Variants in DIS3L2 observed in about 807,000 individuals in gnomAD.
The protein encoded by DIS3L2 is DIS3 like 3'-5' exoribonuclease 2.
DIS3L2 carries 34 observed loss-of-function variants against 97.5 expected under a neutral mutation model. That is an observed-to-expected ratio of 0.35 (90% CI 0.27 to 0.46). The LOEUF is 0.46. DIS3L2 is among the 20% of genes least tolerant of loss of function. The pLI, the probability that DIS3L2 is intolerant of heterozygous loss-of-function variation, is 1.00. For synonymous variants in DIS3L2, 435 were observed against 445.2 expected, an observed-to-expected ratio of 0.98 and a Z score of 0.29; for missense variants, 1,038 against 1,146.0, an observed-to-expected ratio of 0.91 and a Z score of 1.36.
intron 1 of DIS3L2, among the ~76,000 whole-genome samples, chr2:231,967,186 C>T (rs1692746750): frequency 6.6e-6 from 1 of 152,130 alleles, no homozygotes; most frequent in Non-Finnish European, 1.5e-5. Flanking sequence ...ACCCTGCCCT[C>T]AGTAAAGTAT....
chr2:232,298,543 G>C (rs1446392865), intron 13 of DIS3L2, among the ~76,000 whole-genome samples: 2 of 152,198 alleles, frequency 1.3e-5, no homozygotes, highest in Non-Finnish European at 2.9e-5. Context: ...TGGTCGAGAA[G>C]GGCTTGTTTC....
intron 5 of DIS3L2, among the ~76,000 whole-genome samples, chr2:232,058,154 C>G (rs1695598793): frequency 6.6e-6 from 1 of 152,184 alleles, no homozygotes; most frequent in South Asian, 2.1e-4. Context: ...ATTGACATGT[C>G]ACTTATATTT....
At chr2:232,329,785 T>TCCCCGGGGGGGGGCCCCCC in intron 14 of DIS3L2, 28 bp from the exon 15 acceptor site, 30 of 967,098 alleles carry the variant, frequency 3.1e-5, no homozygotes, top group Non-Finnish European at 3.2e-5. Context: ...ACCCCAGCGG[T>TCCCCGGGGGGGGGCCCCCC]CCCTCCCATC....
At chr2:232,236,998 C>A (rs889399904) in intron 10 of DIS3L2, among the ~76,000 whole-genome samples, 2 of 152,198 alleles carry the variant, frequency 1.3e-5, no homozygotes, top group Non-Finnish European at 2.9e-5. Context: ...GATCCGCCAG[C>A]CTTGACCTCC....
intron 1 of DIS3L2, among the ~76,000 whole-genome samples, chr2:231,971,927 C>T (rs1553595163): frequency 6.6e-6 from 1 of 150,538 alleles, no homozygotes; most frequent in Non-Finnish European, 1.5e-5. Flanking sequence ...TGGCTCACGC[C>T]TGTAATCCCA....
intron 6 of DIS3L2, among the ~76,000 whole-genome samples, chr2:232,121,679 A>G (rs1462189336): frequency 6.6e-6 from 1 of 152,152 alleles, no homozygotes. Context: ...GAAGCTACAG[A>G]GTACTGGCCC....
chr2:232,314,233 G>T (rs1419230331), intron 14 of DIS3L2, among the ~76,000 whole-genome samples: 1 of 152,240 alleles, frequency 6.6e-6, no homozygotes, highest in Non-Finnish European at 1.5e-5. Flanking sequence ...CTGTTGTCTG[G>T]TGCTGGGAGG....
chr2:232,213,736 C>T (rs1692259553), intron 10 of DIS3L2, among the ~76,000 whole-genome samples: 1 of 138,932 alleles, frequency 7.2e-6, no homozygotes, highest in Admixed American at 7.7e-5. Context: ...TCTGAATGAC[C>T]ATTCTGTGAA....
At chr2:232,247,004 C>CT (rs1693270689) in intron 11 of DIS3L2, among the ~76,000 whole-genome samples, 1 of 26,006 alleles carries the variant, frequency 3.8e-5, no homozygotes, top group South Asian at 1.2e-3. Context: ...GTTATAATGA[C>CT]TTTCTTTTGA....
chr2:232,006,726 A>C (rs555939125), intron 1 of DIS3L2, among the ~76,000 whole-genome samples: 1 of 152,342 alleles, frequency 6.6e-6, no homozygotes, highest in East Asian at 1.9e-4. Context: ...GGTAAGTGAA[A>C]AAAAGAGGAG....
intron 9 of DIS3L2, among the ~76,000 whole-genome samples, chr2:232,190,507 G>T (rs992886718): frequency 6.6e-6 from 1 of 151,976 alleles, no homozygotes; most frequent in Admixed American, 6.6e-5. Flanking sequence ...TTTTTGGATT[G>T]GGAAAGATGA....
intron 5 of DIS3L2, among the ~76,000 whole-genome samples, chr2:232,080,626 C>A (rs896454357): frequency 1.3e-5 from 2 of 151,864 alleles, no homozygotes; most frequent in African/African-American, 4.8e-5. Flanking sequence ...CAGGGCTGGG[C>A]ATGGTGGCTC....
intron 20 of DIS3L2, chr2:232,336,264 G>C (rs1332482567): frequency 6.5e-7 from 1 of 1,544,900 alleles, no homozygotes; most frequent in Non-Finnish European, 8.7e-7. Context: ...ATAAGCCTTG[G>C]GAGCGCTCAG....
intron 11 of DIS3L2, among the ~76,000 whole-genome samples, chr2:232,241,760 C>G (rs552276454): frequency 9.5e-4 from 144 of 152,292 alleles, no homozygotes; most frequent in Admixed American, 2.1e-3. Context: ...TCTCAACTGT[C>G]TTCTCTGGGA....
chr2:232,059,620 A>G (rs1056655638), intron 5 of DIS3L2, among the ~76,000 whole-genome samples: 1 of 151,564 alleles, frequency 6.6e-6, no homozygotes, highest in African/African-American at 2.4e-5. Flanking sequence ...TAGTTTTTCA[A>G]CTCTTGCCCC....
chr2:232,338,748 C>T (rs1209062315), downstream of DIS3L2, among the ~76,000 whole-genome samples: 1 of 152,264 alleles, frequency 6.6e-6, no homozygotes, highest in Non-Finnish European at 1.5e-5. Context: ...CGGTGCCGCG[C>T]ATTCACAGGA....
At chr2:232,330,593 C>T in intron 15 of DIS3L2, 97 bp from the exon 16 acceptor site, 3 of 1,323,978 alleles carry the variant, frequency 2.3e-6, no homozygotes, top group Non-Finnish European at 3.3e-6. Context: ...ACTCCTCCCC[C>T]CAGAGCCGGG....
intron 5 of DIS3L2, among the ~76,000 whole-genome samples, chr2:232,078,225 A>G (rs1360808682): frequency 1.3e-5 from 2 of 151,500 alleles, no homozygotes; most frequent in Middle Eastern, 3.2e-3. Flanking sequence ...TGTATTTTTA[A>G]TAGAGATGGG....
chr2:232,095,811 T>C (rs938063329), intron 6 of DIS3L2, among the ~76,000 whole-genome samples: 3 of 152,182 alleles, frequency 2.0e-5, no homozygotes, highest in Non-Finnish European at 2.9e-5. Context: ...CCTTGATGTT[T>C]GAAGGATACT....
Sources: allele counts gnomAD v4.1 joint callset (sites outside exome capture counted in the v4.1 genomes callset), GRCh38; gene constraint gnomAD v4.1.1; transcripts MANE v1.5; gene names NCBI Gene and HGNC (gene_info 2026-07-23, HGNC 2026-07-21).